Variants in RERE observed in about 807,000 individuals in gnomAD.
RERE encodes arginine-glutamic acid dipeptide repeats.
In RERE, 40 loss-of-function variants were observed where a neutral mutation model predicts 146.1. The observed-to-expected ratio is 0.27, with a 90% CI of 0.21 to 0.36. The LOEUF is 0.36. RERE is among the 10% of genes least tolerant of loss of function. RERE has a pLI of 1.00. For missense variants in RERE, 1,933 were observed against 2,138.7 expected (o/e 0.90, Z 1.90); for synonymous variants, 1,003 against 866.0 (o/e 1.16, Z -2.78).
Position 8,358,233 on chromosome 1 carries a change from G to T in RERE, c.4302C>A (p.Ser1434=). ...PHHHQHSHIH[S]HLHLHQQDPL... is the part of the protein sequence containing the mutation. ...GGTCCTGCTGGTGGAGGTGGAGGTG[G>T]GAGTGAATGTGAGAGTGCTGGTGAT... Residue 1434 remains serine (S), a synonymous_variant, in exon 20 of 23, where the codon TCC becomes TCA. Transcript: ENST00000400908. 1.2e-6 allele frequency: 2 copies of T among 1,604,620 alleles called. No individual in the cohort carries two copies. The highest frequency in any genetic ancestry group is 1.7e-6 in the Non-Finnish European group (2 of 1,172,126).
chr1:8,789,752 T>G (rs183633297), intron 1 of RERE, among the ~76,000 whole-genome samples: 109 of 152,266 alleles, frequency 7.2e-4, no homozygotes, highest in Admixed American at 6.9e-3. Context: ...ACGCTGCGCA[T>G]ACCATATGCA....
chr1:8,815,748 T>C (rs1641898953), intron 1 of RERE, among the ~76,000 whole-genome samples: 1 of 152,172 alleles, frequency 6.6e-6, no homozygotes, highest in African/African-American at 2.4e-5. Flanking sequence ...GAGCTGTGTT[T>C]GTCTGTGCAA....
chr1:8,745,523 C>T (rs191174160), intron 1 of RERE, among the ~76,000 whole-genome samples: 19 of 152,278 alleles, frequency 1.2e-4, no homozygotes, highest in Non-Finnish European at 2.9e-5. Context: ...TTCCAGACCA[C>T]CGTTGGCCTA....
chr1:8,670,413 AAC>A (rs2124371629), intron 1 of RERE, among the ~76,000 whole-genome samples: 1 of 152,342 alleles, frequency 6.6e-6, no homozygotes, highest in Non-Finnish European at 1.5e-5. Context: ...CTATGTCCAG[AAC>A]ACACACAATC....
intron 1 of RERE, among the ~76,000 whole-genome samples, chr1:8,728,294 A>G (rs1279293170): frequency 6.6e-6 from 1 of 152,248 alleles, no homozygotes; most frequent in Non-Finnish European, 1.5e-5. Flanking sequence ...ATAGGCACCT[A>G]TAACACACCA....
intron 1 of RERE, among the ~76,000 whole-genome samples, chr1:8,790,929 A>C (rs1408938829): frequency 6.6e-6 from 1 of 152,204 alleles, no homozygotes; most frequent in Non-Finnish European, 1.5e-5. Flanking sequence ...GGGGTTTCAT[A>C]ATGAACTGAA....
intron 12 of RERE, among the ~76,000 whole-genome samples, chr1:8,417,173 C>T (rs1643800224): frequency 1.3e-5 from 2 of 152,188 alleles, no homozygotes; most frequent in South Asian, 4.1e-4. Context: ...AATAAAACTT[C>T]AGGCTGGAAG....
At chr1:8,460,603 T>C (rs773811491) in intron 11 of RERE, among the ~76,000 whole-genome samples, 8 of 152,186 alleles carry the variant, frequency 5.3e-5, no homozygotes, top group African/African-American at 7.2e-5. Flanking sequence ...TGTATCTAGA[T>C]TGTTCACCTC....
Position 8,423,878 on chromosome 1 carries a change from GCCCCGGCCCCGGCCCCGCC to G in RERE, c.1204-1090_1204-1072del. 6.3e-6 allele frequency: 1 copy of G among 159,814 alleles called. No individual in the cohort carries two copies. Among genetic ancestry groups the G allele is most frequent in the Non-Finnish European group, 1.3e-5 (1 of 76,292 alleles). 9.9% of individuals were successfully genotyped at this position (159,814 alleles called of 1,614,324 possible). Reference sequence around the variant, plus strand: ...TCCTGTCCGCCAGCCGGGGCCCCGCGCCCCGGCCCCGGCCCCGCCCCCGGCCCGACCCCCACCCCGAGGC... The same window carrying G: ...TCCTGTCCGCCAGCCGGGGCCCCGCGCCCGGCCCGACCCCCACCCCGAGGC... On this transcript the variant is annotated intron_variant, in intron 11 of 22. Coordinates refer to ENST00000400908, the MANE Select transcript of RERE (RefSeq NM_001042681.2). The surrounding 1 kb of genome is among the most constrained non-coding windows in gnomAD (Gnocchi z 5.4).
intron 1 of RERE, among the ~76,000 whole-genome samples, chr1:8,731,770 CATA>C (rs1194344213): frequency 1.0e-4 from 4 of 39,584 alleles, no homozygotes; most frequent in African/African-American, 7.0e-4. Flanking sequence ...AAAAGCTAAA[CATA>C]ATGTTTTTTT....
At chr1:8,753,160 T>C (rs1168537362) in intron 1 of RERE, among the ~76,000 whole-genome samples, 1 of 152,212 alleles carries the variant, frequency 6.6e-6, no homozygotes, top group Non-Finnish European at 1.5e-5. Flanking sequence ...TTCCTTCGGA[T>C]GTTTCATCAA....
chr1:8,510,302 G>C (rs1201315159), intron 7 of RERE, among the ~76,000 whole-genome samples: 3 of 152,078 alleles, frequency 2.0e-5, no homozygotes, highest in African/African-American at 7.2e-5. Flanking sequence ...GACACAGAAG[G>C]AGATAATAGG....
intron 1 of RERE, among the ~76,000 whole-genome samples, chr1:8,768,544 G>C (rs1304588752): frequency 3.3e-5 from 5 of 152,152 alleles, no homozygotes; most frequent in Admixed American, 3.3e-4. Context: ...TTGAAATGCA[G>C]CTAGTGTGAC....
At chr1:8,529,532 C>T (rs1645614398) in intron 7 of RERE, among the ~76,000 whole-genome samples, 1 of 151,518 alleles carries the variant, frequency 6.6e-6, no homozygotes. Flanking sequence ...AATCTCCAGA[C>T]CTCGTGATCC....
At chr1:8,626,201 C>T (rs1035896667) in intron 2 of RERE, among the ~76,000 whole-genome samples, 1 of 152,182 alleles carries the variant, frequency 6.6e-6, no homozygotes, top group Non-Finnish European at 1.5e-5. Context: ...AAACTCAATT[C>T]CCTAGATAAA....
Position 8,400,467 on chromosome 1 carries a change from G to C in RERE, c.1284+22260C>G, listed in dbSNP as rs561288964. ...AGGTCTTTCTATGTTACCCAGGTTG[G>C]TCTTGAAATTTTGGCCTCAAGTGAT... On this transcript the variant is annotated intron_variant, in intron 12 of 22. Coordinates refer to ENST00000400908, the MANE Select transcript of RERE (RefSeq NM_001042681.2). 5.9e-5 allele frequency among the ~76,000 whole-genome samples: 9 copies of C among 152,064 alleles called. No individual in the cohort carries two copies. In the East Asian group the frequency reaches 1.7e-3, roughly 29 times the overall value.
intron 2 of RERE, among the ~76,000 whole-genome samples, chr1:8,638,647 A>G (rs144168574): frequency 6.6e-6 from 1 of 152,162 alleles, no homozygotes; most frequent in East Asian, 1.9e-4. Flanking sequence ...CTGACCATAC[A>G]ACAAATGTTA....
At chr1:8,627,331 G>C (rs1646986415) in intron 2 of RERE, among the ~76,000 whole-genome samples, 1 of 152,012 alleles carries the variant, frequency 6.6e-6, no homozygotes, top group South Asian at 2.1e-4. Context: ...TCTGCCATTA[G>C]TGTGGGGGTT....
intron 2 of RERE, among the ~76,000 whole-genome samples, chr1:8,641,792 G>A (rs953955236): frequency 6.6e-6 from 1 of 152,126 alleles, no homozygotes; most frequent in Non-Finnish European, 1.5e-5. Flanking sequence ...GTTTATCATG[G>A]CGACACCTTA....
Sources: allele counts gnomAD v4.1 joint callset (sites outside exome capture counted in the v4.1 genomes callset), GRCh38; gene constraint gnomAD v4.1.1; non-coding constraint Gnocchi (gnomAD v3.1); transcripts MANE v1.5; gene names NCBI Gene and HGNC (gene_info 2026-07-23, HGNC 2026-07-21).